The following STAT6 variants were observed in gnomAD, a reference collection of about 807,000 sequenced individuals.
STAT6 encodes STAT, interleukin4-induced.
In STAT6, 45 loss-of-function variants were observed where a neutral mutation model predicts 106.3. The observed-to-expected ratio is 0.42, with a 90% CI of 0.33 to 0.54. The LOEUF (loss-of-function observed/expected upper bound fraction) is 0.54. Ranked by LOEUF, STAT6 falls within the 20% of genes least tolerant of loss-of-function variation. STAT6 has a pLI of 0.06. For synonymous variants in STAT6, 413 were observed against 413.6 expected (o/e 1.00, Z 0.02); for missense variants, 797 against 1,062.2 (o/e 0.75, Z 3.47).
chr12:57,103,312 C>T (rs539829164), intron 11 of STAT6: 1,686 of 160,766 alleles, frequency 0.01, 17 homozygotes, highest in African/African-American at 0.029. Context: ...CTCAGGCGCC[C>T]GCCACCATGC....
chr12:57,097,041 G>A (rs943202217), intron 20 of STAT6, 27 bp downstream of exon 20: 3 of 1,580,506 alleles, frequency 1.9e-6, no homozygotes, highest in Middle Eastern at 1.7e-4. Flanking sequence ...AGAGGCACAT[G>A]GGGTCAGGAG....
chr12:57,105,119 C>T (rs779630799), intron 9 of STAT6, 32 bp downstream of exon 9: 3 of 1,589,700 alleles, frequency 1.9e-6, no homozygotes, highest in Admixed American at 1.7e-5. Flanking sequence ...CCTAACAGCC[C>T]TTCTCCAACC....
chr12:57,100,685 A>AG (rs2033815669), intron 13 of STAT6, among the ~76,000 whole-genome samples: 3 of 57,802 alleles, frequency 5.2e-5, no homozygotes, highest in African/African-American at 1.5e-4. Flanking sequence ...AGAAAGAAAG[A>AG]AAGAAAGAAA....
In STAT6 at chr12:57,102,400, C is replaced by G; in HGVS notation, c.1402G>C (p.Gly468Arg). ...AAGAGGAAGTGCTCTGGGAGCAGCC[C>G]CCGGTTGGTCCCCACCTCAGCCATG... Reference protein sequence around the residue: ...KFMAEVGTNRGLLPEHFLFLA... With the variant: ...KFMAEVGTNRRLLPEHFLFLA... Residue 468 changes from glycine (G) to arginine (R), a missense_variant, in exon 13 of 22, where the codon GGG becomes CGG. Physicochemically the swap from Gly to Arg is moderately radical, Grantham distance 125. Transcript: ENST00000300134. 6.2e-7 allele frequency: 1 copy of G among 1,614,118 alleles called. No homozygotes were observed. The highest frequency in any genetic ancestry group is 8.5e-7 in the Non-Finnish European group (1 of 1,180,012).
intron 13 of STAT6, 51 bp downstream of exon 13, chr12:57,102,239 C>T: frequency 6.3e-7 from 1 of 1,599,398 alleles, no homozygotes; most frequent in African/African-American, 1.3e-5. Flanking sequence ...CCCTGAGTGC[C>T]CCAGGGATGA....
At chr12:57,104,105 A>G (rs1448077212) in intron 11 of STAT6, 2 of 248,770 alleles carry the variant, frequency 8.0e-6, no homozygotes, top group Non-Finnish European at 1.6e-5. Context: ...CAAACTACTT[A>G]AACTCTCTGT....
At chr12:57,105,703 A>G in intron 7 of STAT6, 104 bp from the exon 8 acceptor site, 1 of 1,471,550 alleles carries the variant, frequency 6.8e-7, no homozygotes, top group Middle Eastern at 2.1e-4. Context: ...TGTGTGGAGA[A>G]GTGGGGTGGG....
intron 2 of STAT6, 105 bp downstream of exon 2, chr12:57,108,058 C>G: frequency 1.3e-6 from 1 of 759,184 alleles, no homozygotes; most frequent in South Asian, 1.6e-5. Flanking sequence ...CATGGAATAA[C>G]AGGTCTCAAG....
Position 57,097,147 on chromosome 12 carries a change from G to T in STAT6, c.2160-14C>A, listed in dbSNP as rs1017598397. 2.0e-6 allele frequency: 3 copies of T among 1,507,266 alleles called. No individual in the cohort carries two copies. Among genetic ancestry groups the T allele is most frequent in the Admixed American group, 4.6e-5 (2 of 43,612 alleles). The allele number at this position is 1,507,266 out of a possible 1,614,324, so 93.4% of individuals were successfully genotyped here. A position where few individuals can be genotyped will look rare whatever the true frequency, so the allele number is the denominator to read the frequency against. On this transcript the variant is annotated splice_polypyrimidine_tract_variant and intron_variant, in intron 19 of 21. Coordinates refer to ENST00000300134, the MANE Select transcript of STAT6 (RefSeq NM_003153.5). ...TGCAGGTGAGGCCTGGAAGTAGGGA[G>T]AGCACAGTTAGAGGAAGGCAGGCTA...
rs572464658 is a variant in STAT6 at position 57,108,551 on chromosome 12, G to A, written c.-21-252C>T. Among the ~76,000 whole-genome samples, 5 of 151,054 alleles carry A rather than the reference G, an allele frequency of 3.3e-5. No individual in the cohort carries two copies. The South Asian group carries it at 1.0e-3, about 31-fold the overall frequency. On this transcript the variant is annotated intron_variant, in intron 1 of 21. Transcript: ENST00000300134. ...TGGGGAGGCAAAGGGAGACAGGGCAGTAGAGCGAGAGCTCTCTTAGAGTGG... is the reference window on the plus strand; with the variant it reads ...TGGGGAGGCAAAGGGAGACAGGGCAATAGAGCGAGAGCTCTCTTAGAGTGG...
intron 4 of STAT6, 138 bp from the exon 5 acceptor site, chr12:57,106,969 T>C: frequency 7.2e-7 from 1 of 1,387,170 alleles, no homozygotes; most frequent in Non-Finnish European, 9.7e-7. Flanking sequence ...TTTTGGAATA[T>C]CGTGGAGATA....
chr12:57,100,413 T>C (rs2033748864), intron 13 of STAT6, among the ~76,000 whole-genome samples: 1 of 152,070 alleles, frequency 6.6e-6, no homozygotes, highest in African/African-American at 2.4e-5. Flanking sequence ...GAGGCAGAGC[T>C]AGGATTTAAA....
rs1015909022 is a variant in STAT6, at chr12:57,095,588, G to C, written c.*984C>G. On this transcript the variant is annotated 3_prime_UTR_variant, in exon 22 of 22. Coordinates refer to ENST00000300134, the MANE Select transcript of STAT6 (RefSeq NM_003153.5). ...GGCAGGGCCCTCTCATACACTGGAGGGCCACATGGCCAGGCCTGGACCCAG... is the reference window on the plus strand; with the variant it reads ...GGCAGGGCCCTCTCATACACTGGAGCGCCACATGGCCAGGCCTGGACCCAG... 6.6e-6 allele frequency: 1 copy of C among 152,358 alleles called. No homozygotes were observed. 9.4% of individuals were successfully genotyped at this position (152,358 alleles called of 1,614,324 possible). A position where few individuals can be genotyped will look rare whatever the true frequency, so the allele number is the denominator to read the frequency against.
chr12:57,107,407 T>C (rs2034341310), intron 3 of STAT6, 93 bp from the exon 4 acceptor site: 2 of 1,367,626 alleles, frequency 1.5e-6, no homozygotes, highest in Admixed American at 1.8e-5. Flanking sequence ...ACATATACTA[T>C]AAGGAAGCAC....
intron 7 of STAT6, 178 bp downstream of exon 7, chr12:57,106,013 T>C: frequency 9.2e-7 from 1 of 1,091,374 alleles, no homozygotes; most frequent in South Asian, 1.6e-5. Flanking sequence ...CTAGGCCCAC[T>C]TGTACAGGAT....
At position 57,099,753 on chromosome 12, in the gene STAT6, T is replaced by TGG. The variant is rs748237702; in HGVS notation, c.1744+12_1744+13dup. 6.2e-7 allele frequency: 1 copy of TGG among 1,611,788 alleles called. No homozygotes were observed. The highest frequency in any genetic ancestry group is 8.5e-7 in the Non-Finnish European group (1 of 1,179,046). ...ACAGGCACAGAGACAGAGGACTGGCTGGGGTGGCCTCACCATCCTGGCCCC... is the reference window on the plus strand; with the variant it reads ...ACAGGCACAGAGACAGAGGACTGGCTGGGGGGTGGCCTCACCATCCTGGCCCC... On this transcript the variant is annotated intron_variant, in intron 15 of 21. Coordinates refer to ENST00000300134, the MANE Select transcript of STAT6 (RefSeq NM_003153.5). The surrounding 1 kb of genome is among the most constrained non-coding windows in gnomAD (Gnocchi z 4.7).
Position 57,099,826 on chromosome 12 carries a change from C to T in STAT6, c.1685G>A (p.Arg562His), listed in dbSNP as rs1228637340. 1.9e-6 allele frequency: 3 copies of T among 1,614,038 alleles called. No individual in the cohort carries two copies. Among genetic ancestry groups the T allele is most frequent in the Non-Finnish European group, 2.5e-6 (3 of 1,180,022 alleles). Reference protein sequence around the residue: ...LNEPDGTFLLRFSDSEIGGIT... With the variant: ...LNEPDGTFLLHFSDSEIGGIT... ...GCCCCCAATCTCTGAGTCGCTGAAG[C>T]GGAGGAGAAAGGTTCCGTCGGGCTC... The change falls in exon 15 of 22, where the codon CGC becomes CAC. Residue 562 changes from arginine (R) to histidine (H), a missense_variant. This residue lies in a region of STAT6 where 222 missense variants were observed against 354.6 expected (regional missense o/e 0.63). Transcript: ENST00000300134. The surrounding 1 kb of genome is among the most constrained non-coding windows in gnomAD (Gnocchi z 4.7).
chr12:57,102,934 A>G lies in STAT6; in HGVS notation c.1213-13T>C. 2 of 1,069,142 alleles carry G rather than the reference A, an allele frequency of 1.9e-6. No homozygotes were observed. Among genetic ancestry groups the G allele is most frequent in the South Asian group, 1.4e-5 (1 of 70,448 alleles). The allele number at this position is 1,069,142 out of a possible 1,614,324, so 66.2% of individuals were successfully genotyped here. A position where few individuals can be genotyped will look rare whatever the true frequency, so the allele number is the denominator to read the frequency against. ...GCAGAGACAGGGCCTGAAGAGGGTG[A>G]GGACAGGGGTTTCTTTTCTTTCTTT... On this transcript the variant is annotated splice_polypyrimidine_tract_variant and intron_variant, in intron 11 of 21. Coordinates refer to ENST00000300134, the MANE Select transcript of STAT6 (RefSeq NM_003153.5).
chr12:57,097,001 A>G (rs750446349), intron 20 of STAT6, 23 bp from the exon 21 acceptor site: 3 of 1,611,250 alleles, frequency 1.9e-6, no homozygotes, highest in Middle Eastern at 1.7e-4. Context: ...AGCAATGGAA[A>G]TAAGGAGAGC....
Sources: allele counts gnomAD v4.1 joint callset (sites outside exome capture counted in the v4.1 genomes callset), GRCh38; gene constraint gnomAD v4.1.1; regional missense constraint gnomAD v4.1.1; non-coding constraint Gnocchi (gnomAD v3.1); transcripts MANE v1.5; gene names NCBI Gene and HGNC (gene_info 2026-07-23, HGNC 2026-07-21).